MRTFA: variants seen among roughly 807,000 people sequenced by gnomAD.
MRTFA encodes myocardin related transcription factor A.
MRTFA carries 20 observed loss-of-function variants against 83.5 expected under a neutral mutation model. The ratio of observed to expected loss-of-function variants is 0.24; its 90% CI spans 0.17 to 0.35. The LOEUF (loss-of-function observed/expected upper bound fraction) is 0.35. Ranked by LOEUF, MRTFA falls within the 10% of genes least tolerant of loss-of-function variation. The probability of loss-of-function intolerance (pLI) is 1.00; values close to 1 mark genes in which losing one functional copy is unlikely to be tolerated. For synonymous variants in MRTFA, 659 were observed against 541.2 expected (o/e 1.22, Z -3.02); for missense variants, 1,200 against 1,224.7 (o/e 0.98, Z 0.30).
chr22:40,578,606 C>T (rs550709835), intron 2 of MRTFA, among the ~76,000 whole-genome samples: 1 of 152,110 alleles, frequency 6.6e-6, no homozygotes, highest in African/African-American at 2.4e-5. Flanking sequence ...ACTCCATTCT[C>T]TCAAAATTTT....
intron 3 of MRTFA, among the ~76,000 whole-genome samples, chr22:40,515,709 GAAC>G (rs978694779): frequency 2.0e-5 from 3 of 152,078 alleles, no homozygotes; most frequent in Admixed American, 6.6e-5. Context: ...AGGTAGGCAG[GAAC>G]AGAGAAAATG....
chr22:40,492,818 T>C (rs1602330783), intron 3 of MRTFA, among the ~76,000 whole-genome samples: 1 of 152,188 alleles, frequency 6.6e-6, no homozygotes, highest in East Asian at 1.9e-4. Context: ...GTGGGAACCA[T>C]AAACGTAATG....
At chr22:40,419,790 C>T (rs2052787944) in intron 11 of MRTFA, among the ~76,000 whole-genome samples, 1 of 152,208 alleles carries the variant, frequency 6.6e-6, no homozygotes, top group Admixed American at 6.5e-5. Flanking sequence ...AGAGCTTGGT[C>T]CAATCCATCT....
intron 1 of MRTFA, among the ~76,000 whole-genome samples, chr22:40,605,436 G>A (rs775353952): frequency 3.9e-5 from 6 of 152,210 alleles, no homozygotes; most frequent in Non-Finnish European, 8.8e-5. Context: ...ACTGAAGGGA[G>A]TGGGATGCCA....
rs549866218 is a variant in MRTFA at position 40,455,063 on chromosome 22, G to A, written c.307+8158C>T. The stretch of plus-strand genomic sequence containing the variant: ...GACCTTCCTGCCTTGGCCTCACCAT[G>A]TGCTGGGACTGCAAATGTGAGCCAC... On this transcript the variant is annotated intron_variant, in intron 4 of 14. Transcript: ENST00000355630. Among the ~76,000 whole-genome samples, 6 of 152,292 alleles carry A rather than the reference G, an allele frequency of 3.9e-5. No individual in the cohort carries two copies. In the South Asian group the frequency reaches 1.2e-3, roughly 32 times the overall value.
chr22:40,441,451 T>C (rs1209663880), intron 4 of MRTFA, among the ~76,000 whole-genome samples: 7 of 152,202 alleles, frequency 4.6e-5, no homozygotes, highest in Admixed American at 4.6e-4. Flanking sequence ...ATTAAAGATA[T>C]AAAAGGTGAA....
intron 3 of MRTFA, among the ~76,000 whole-genome samples, chr22:40,464,236 G>C (rs1182849715): frequency 7.1e-6 from 1 of 141,774 alleles, no homozygotes; most frequent in Non-Finnish European, 1.6e-5. Flanking sequence ...GGGAGGCGGA[G>C]GTTGCAGTGA....
intron 4 of MRTFA, among the ~76,000 whole-genome samples, chr22:40,451,400 A>G (rs977351353): frequency 6.6e-6 from 1 of 152,200 alleles, no homozygotes; most frequent in African/African-American, 2.4e-5. Flanking sequence ...GCAGTCATAA[A>G]GGGTTCTTCA....
intron 1 of MRTFA, among the ~76,000 whole-genome samples, chr22:40,635,514 G>GTA (rs2056686451): frequency 6.6e-6 from 1 of 152,174 alleles, no homozygotes; most frequent in African/African-American, 2.4e-5. Flanking sequence ...CCACATTCCT[G>GTA]TATATACACA....
At chr22:40,535,395 C>G (rs1286844072) in intron 3 of MRTFA, among the ~76,000 whole-genome samples, 1 of 147,338 alleles carries the variant, frequency 6.8e-6, no homozygotes, top group Non-Finnish European at 1.5e-5. Context: ...ACTCTGTCCC[C>G]CAGACTGAGT....
intron 10 of MRTFA, 110 bp from the exon 11 acceptor site, chr22:40,420,686 G>C: frequency 2.0e-6 from 3 of 1,538,248 alleles, no homozygotes; most frequent in Non-Finnish European, 2.6e-6. Context: ...TGGGGCAAGG[G>C]CCCAGCAAAG....
At chr22:40,524,067 T>C (rs543735411) in intron 3 of MRTFA, among the ~76,000 whole-genome samples, 8 of 152,292 alleles carry the variant, frequency 5.3e-5, no homozygotes, top group East Asian at 3.9e-4. Flanking sequence ...GCAAAATATA[T>C]TGCAGAAATG....
intron 3 of MRTFA, among the ~76,000 whole-genome samples, chr22:40,502,058 G>C (rs2054492848): frequency 7.1e-6 from 1 of 140,658 alleles, no homozygotes; most frequent in Non-Finnish European, 1.6e-5. Context: ...CTCCCGGACG[G>C]GGTGGCTGGC....
chr22:40,575,150 G>A (rs2055850239), intron 2 of MRTFA, among the ~76,000 whole-genome samples: 3 of 152,158 alleles, frequency 2.0e-5, no homozygotes, highest in Admixed American at 1.3e-4. Context: ...AATGAGGATC[G>A]TACCTACTAA....
At chr22:40,525,350 A>C (rs1042807290) in intron 3 of MRTFA, among the ~76,000 whole-genome samples, 4 of 151,820 alleles carry the variant, frequency 2.6e-5, no homozygotes, top group East Asian at 1.9e-4. Context: ...TAAAGATGGA[A>C]TCTTGCTATG....
intron 2 of MRTFA, among the ~76,000 whole-genome samples, chr22:40,555,333 GAT>G (rs1274190539): frequency 6.6e-6 from 1 of 152,198 alleles, no homozygotes; most frequent in Non-Finnish European, 1.5e-5. Flanking sequence ...CCTGATGGGA[GAT>G]ATTTGAGTCA....
chr22:40,489,155 T>C (rs2054224944), intron 3 of MRTFA, among the ~76,000 whole-genome samples: 1 of 152,132 alleles, frequency 6.6e-6, no homozygotes, highest in Admixed American at 6.5e-5. Flanking sequence ...CACAATCATT[T>C]TCACTGGGTA....
At chr22:40,543,804 T>C (rs557022312) in intron 3 of MRTFA, among the ~76,000 whole-genome samples, 4 of 152,348 alleles carry the variant, frequency 2.6e-5, no homozygotes, top group Non-Finnish European at 4.4e-5. Context: ...AGTTGGTTCA[T>C]AGATGCAATG....
intron 2 of MRTFA, among the ~76,000 whole-genome samples, chr22:40,571,191 G>A (rs1421374097): frequency 6.6e-6 from 1 of 151,856 alleles, no homozygotes; most frequent in African/African-American, 2.4e-5. Flanking sequence ...TGGGCGACAG[G>A]AGTGAGACCC....
Sources: gnomAD v4.1 joint callset for allele counts (sites outside exome capture counted in the v4.1 genomes callset) on GRCh38, gnomAD v4.1.1 for gene constraint, MANE v1.5 for transcripts, NCBI Gene and HGNC (gene_info 2026-07-23, HGNC 2026-07-21) for gene names.